Variants in WDPCP observed in about 807,000 individuals in gnomAD.
WDPCP encodes the protein WD repeat containing planar cell polarity effector.
In WDPCP, 71 loss-of-function variants were observed where a neutral mutation model predicts 93.1. That is an observed-to-expected ratio of 0.76 (90% CI 0.63 to 0.93). The LOEUF (loss-of-function observed/expected upper bound fraction) is 0.93. Among genes scored for constraint, WDPCP ranks in the 40% least tolerant of loss-of-function variants. The pLI is 0.00. For missense variants in WDPCP, 844 were observed against 887.4 expected (o/e 0.95, Z 0.62); for synonymous variants, 315 against 315.0 (o/e 1.00, Z 0.00).
chr2:63,448,184 C>A (rs1447328431), intron 6 of WDPCP, among the ~76,000 whole-genome samples: 1 of 152,032 alleles, frequency 6.6e-6, no homozygotes, highest in African/African-American at 2.4e-5. Flanking sequence ...TAATATACCT[C>A]CTTGTCCATT....
chr2:63,404,794 T>C, intron 9 of WDPCP, 137 bp from the exon 10 acceptor site: 1 of 987,030 alleles, frequency 1.0e-6, no homozygotes, highest in Non-Finnish European at 1.5e-6. Context: ...TACAAGTATA[T>C]AAAGTACATA....
chr2:63,214,588 C>A (rs1383363883), intron 14 of WDPCP, among the ~76,000 whole-genome samples: 1 of 152,180 alleles, frequency 6.6e-6, no homozygotes, highest in African/African-American at 2.4e-5. Flanking sequence ...TCTCTCACCA[C>A]TCCTATTCAA....
At chr2:63,691,272 G>A (rs928691198) in intron 2 of WDPCP, among the ~76,000 whole-genome samples, 2 of 152,172 alleles carry the variant, frequency 1.3e-5, no homozygotes, top group African/African-American at 4.8e-5. Flanking sequence ...GGATAGAAAT[G>A]CTTAGAGGAC....
At chr2:63,311,890 T>G (rs1269821771) in intron 13 of WDPCP, among the ~76,000 whole-genome samples, 1 of 152,106 alleles carries the variant, frequency 6.6e-6, no homozygotes, top group Non-Finnish European at 1.5e-5. Context: ...GTTCTTATCT[T>G]GGCTAGAAAA....
At chr2:63,594,850 T>C (rs910649241) in intron 3 of WDPCP, 7 of 339,748 alleles carry the variant, frequency 2.1e-5, no homozygotes, top group African/African-American at 1.5e-4. Context: ...CAATGGGAGA[T>C]ATCACTAATG....
chr2:63,630,580 T>G (rs779676093), intron 3 of WDPCP, among the ~76,000 whole-genome samples: 4 of 151,978 alleles, frequency 2.6e-5, no homozygotes, highest in Non-Finnish European at 4.4e-5. Flanking sequence ...GACATAGCAA[T>G]CCTACATATG....
intron 1 of WDPCP, among the ~76,000 whole-genome samples, chr2:63,527,679 T>C (rs1412618046): frequency 6.6e-6 from 1 of 152,154 alleles, no homozygotes; most frequent in Admixed American, 6.5e-5. Flanking sequence ...GCAGTAAACA[T>C]ACGTGTGCAT....
chr2:63,683,992 A>G lies in WDPCP; in HGVS notation n.309-33154T>C, dbSNP rs140935569. Among the ~76,000 whole-genome samples, 42 of 152,344 alleles carry G rather than the reference A, an allele frequency of 2.8e-4. No individual in the cohort carries two copies. The East Asian group carries it at 6.8e-3, about 25-fold the overall frequency. Reference sequence around the variant, plus strand: ...ATAAAGCAAATATTACTAGAGTTAAAGAGAGAGATTAACCCTAATACAATG... The same window carrying G: ...ATAAAGCAAATATTACTAGAGTTAAGGAGAGAGATTAACCCTAATACAATG... On this transcript the variant is annotated intron_variant and non_coding_transcript_variant, in intron 2 of 4. Transcript: ENST00000467687.
At chr2:63,206,841 A>G (rs1373014988) in intron 14 of WDPCP, among the ~76,000 whole-genome samples, 2 of 152,200 alleles carry the variant, frequency 1.3e-5, no homozygotes, top group African/African-American at 4.8e-5. Context: ...ACTGTGGTAA[A>G]AAACCCATAA....
chr2:63,832,374 G>A (rs1671226784), upstream of WDPCP, among the ~76,000 whole-genome samples: 1 of 152,134 alleles, frequency 6.6e-6, no homozygotes, highest in African/African-American at 2.4e-5. Flanking sequence ...TACTTCTGCT[G>A]TATTCTATTG....
intron 1 of WDPCP, among the ~76,000 whole-genome samples, chr2:63,494,679 G>A (rs2105963895): frequency 6.6e-6 from 1 of 152,256 alleles, no homozygotes. Flanking sequence ...CCAGTACTTT[G>A]GGAGGCCGAG....
intron 9 of WDPCP, among the ~76,000 whole-genome samples, chr2:63,432,437 G>T (rs957788153): frequency 3.6e-4 from 55 of 152,080 alleles, no homozygotes; most frequent in Non-Finnish European, 5.9e-5. Flanking sequence ...ATCCTTGAAG[G>T]CAGGGACAGT....
intron 13 of WDPCP, among the ~76,000 whole-genome samples, chr2:63,299,007 G>A (rs939580996): frequency 6.6e-6 from 1 of 152,208 alleles, no homozygotes; most frequent in Non-Finnish European, 1.5e-5. Context: ...ATGTAGGCTA[G>A]GCTTGTCTAC....
chr2:63,525,841 T>C (rs1003310576), intron 1 of WDPCP, among the ~76,000 whole-genome samples: 1 of 152,202 alleles, frequency 6.6e-6, no homozygotes, highest in African/African-American at 2.4e-5. Context: ...AGTACTTTAA[T>C]GTAATTTCCT....
At chr2:63,563,937 G>A (rs981477803) in intron 1 of WDPCP, among the ~76,000 whole-genome samples, 2 of 152,282 alleles carry the variant, frequency 1.3e-5, no homozygotes, top group African/African-American at 4.8e-5. Flanking sequence ...AGACAGTGGC[G>A]ATGGTGGCAA....
At chr2:63,829,954 C>T (rs1378189759), upstream of WDPCP, among the ~76,000 whole-genome samples, 1 of 151,962 alleles carries the variant, frequency 6.6e-6, no homozygotes, top group Admixed American at 6.6e-5. Context: ...GTGTCAATGT[C>T]AAATGGATTT....
chr2:63,252,447 G>A (rs1160085554), intron 14 of WDPCP, among the ~76,000 whole-genome samples: 1 of 152,134 alleles, frequency 6.6e-6, no homozygotes, highest in Non-Finnish European at 1.5e-5. Flanking sequence ...ATCAGGAGAA[G>A]AGAAAGAAAT....
intron 6 of WDPCP, among the ~76,000 whole-genome samples, chr2:63,452,747 A>G (rs1376569195): frequency 1.3e-5 from 2 of 152,236 alleles, no homozygotes; most frequent in Non-Finnish European, 2.9e-5. Flanking sequence ...AAACAGAGAT[A>G]TAGACCATTG....
At chr2:63,141,663 T>C (rs1455775205) in intron 17 of WDPCP, among the ~76,000 whole-genome samples, 1 of 152,196 alleles carries the variant, frequency 6.6e-6, no homozygotes, top group African/African-American at 2.4e-5. Context: ...TCCTTCTTTC[T>C]CTATCTTGTG....
Sources: gnomAD v4.1 joint callset for allele counts (sites outside exome capture counted in the v4.1 genomes callset) on GRCh38, gnomAD v4.1.1 for gene constraint, MANE v1.5 for transcripts, NCBI Gene and HGNC (gene_info 2026-07-23, HGNC 2026-07-21) for gene names.